The following ANO2 variants were observed in gnomAD, a reference collection of about 807,000 sequenced individuals.
ANO2 encodes the protein anoctamin 2, also known as anoctamin-2.
A neutral mutation model predicts 124.2 loss-of-function variants in ANO2; 101 were observed. That is an observed-to-expected ratio of 0.81 (90% confidence interval 0.69 to 0.96). The LOEUF is 0.96. Ranked by LOEUF, ANO2 falls within the 40% of genes least tolerant of loss-of-function variation. The pLI, the probability that ANO2 is intolerant of heterozygous loss-of-function variation, is 0.00. For synonymous variants in ANO2, 486 were observed against 482.5 expected, an observed-to-expected ratio of 1.01 and a Z score of -0.09; for missense variants, 1,293 against 1,274.5, an observed-to-expected ratio of 1.01 and a Z score of -0.22.
At chr12:5,920,405 C>A (rs1176261435) in intron 3 of ANO2, among the ~76,000 whole-genome samples, 2 of 152,082 alleles carry the variant, frequency 1.3e-5, no homozygotes, top group Non-Finnish European at 2.9e-5. Flanking sequence ...TAGATGTGGC[C>A]TGAGAATGTC....
At chr12:5,589,557 C>CTG (rs1943292778) in intron 20 of ANO2, among the ~76,000 whole-genome samples, 1 of 152,088 alleles carries the variant, frequency 6.6e-6, no homozygotes, top group African/African-American at 2.4e-5. Flanking sequence ...ACAGGCTTAC[C>CTG]CAATATGTTT....
intron 16 of ANO2, among the ~76,000 whole-genome samples, chr12:5,633,812 G>C (rs913687564): frequency 1.3e-5 from 2 of 152,106 alleles, no homozygotes; most frequent in African/African-American, 4.8e-5. Context: ...CCACTTTCCT[G>C]CATGCCTTTC....
chr12:5,630,866 T>C (rs1176607966), intron 16 of ANO2, among the ~76,000 whole-genome samples: 1 of 152,200 alleles, frequency 6.6e-6, no homozygotes. Context: ...TTTTCCAAGT[T>C]CTTCATAATT....
At chr12:5,653,213 A>G (rs1946993467) in intron 14 of ANO2, among the ~76,000 whole-genome samples, 1 of 152,204 alleles carries the variant, frequency 6.6e-6, no homozygotes, top group African/African-American at 2.4e-5. Flanking sequence ...AAACCTTGCC[A>G]TCGTCACTGG....
intron 4 of ANO2, among the ~76,000 whole-genome samples, chr12:5,839,796 G>A (rs1954454978): frequency 7.2e-5 from 11 of 152,172 alleles, no homozygotes; most frequent in Admixed American, 7.2e-4. Context: ...CTACCTTATA[G>A]ATGAGAACAC....
chr12:5,875,810 T>C (rs1009525777), intron 3 of ANO2, among the ~76,000 whole-genome samples: 1 of 151,564 alleles, frequency 6.6e-6, no homozygotes, highest in African/African-American at 2.4e-5. Flanking sequence ...TGATAAGTCC[T>C]AGGCTACATC....
At chr12:5,684,587 G>A (rs573625084) in intron 14 of ANO2, among the ~76,000 whole-genome samples, 2 of 152,188 alleles carry the variant, frequency 1.3e-5, no homozygotes, top group East Asian at 1.9e-4. Flanking sequence ...GTCTTTGAGC[G>A]AGCCTTCAAA....
In ANO2 at chr12:5,847,027, C is replaced by T. The variant is rs1954705656; in HGVS notation, c.633+7016G>A. ...CAACTTGACTGGACCATTGGGTGCC[C>T]AGATATTTGGTCAAACATTCTGGGT... On this transcript the variant is annotated intron_variant, in intron 4 of 24. Coordinates refer to ENST00000682330, the MANE Select transcript of ANO2 (RefSeq NM_001364791.2). Among the ~76,000 whole-genome samples, 4 of 152,132 alleles carry T rather than the reference C, an allele frequency of 2.6e-5. No homozygotes were observed. In the South Asian group the frequency reaches 8.3e-4, roughly 32 times the overall value.
chr12:5,663,210 A>G (rs2136975926), intron 14 of ANO2, among the ~76,000 whole-genome samples: 1 of 152,332 alleles, frequency 6.6e-6, no homozygotes. Context: ...ACAGAGTCAC[A>G]GCTCAGTGGC....
chr12:5,604,830 C>T (rs550293702), intron 19 of ANO2, among the ~76,000 whole-genome samples: 30 of 152,150 alleles, frequency 2.0e-4, no homozygotes, highest in South Asian at 1.5e-3. Flanking sequence ...CTTTTGGAAA[C>T]CTTCAGATTA....
intron 3 of ANO2, among the ~76,000 whole-genome samples, chr12:5,882,292 A>C (rs2137299030): frequency 6.6e-6 from 1 of 152,350 alleles, no homozygotes; most frequent in South Asian, 2.1e-4. Flanking sequence ...AGGTGGATAT[A>C]AAAAACACTG....
intron 14 of ANO2, among the ~76,000 whole-genome samples, chr12:5,705,956 G>A (rs1477569236): frequency 6.6e-6 from 1 of 152,184 alleles, no homozygotes; most frequent in African/African-American, 2.4e-5. Context: ...TTGGGAATGA[G>A]GAAGAGTCTT....
At chr12:5,768,977 G>A (rs1202159392) in intron 10 of ANO2, among the ~76,000 whole-genome samples, 6 of 152,198 alleles carry the variant, frequency 3.9e-5, no homozygotes, top group Admixed American at 2.6e-4. Context: ...AGTTCAGAAA[G>A]TACAGTAACA....
rs191455623 is a variant in ANO2 at position 5,753,863 on chromosome 12, T to A, written c.1056-2893A>T. ...GGCAATTTTACTTCTTCCTTTCCAA[T>A]TTGATAGCTTTTATTTCTTTTTCTT... On this transcript the variant is annotated intron_variant, in intron 10 of 24. Coordinates refer to ENST00000682330, the MANE Select transcript of ANO2 (RefSeq NM_001364791.2). Among the ~76,000 whole-genome samples, 1,428 of 152,322 alleles carry A rather than the reference T, an allele frequency of 9.4e-3. 76 individuals carry two copies. Among genetic ancestry groups the A allele is most frequent in the Admixed American group, 0.086 (1,310 of 15,290 alleles).
chr12:5,883,582 T>C (rs1007847139), intron 3 of ANO2, among the ~76,000 whole-genome samples: 1 of 151,494 alleles, frequency 6.6e-6, no homozygotes, highest in Non-Finnish European at 1.5e-5. Flanking sequence ...ACGTTCTGCA[T>C]GACTTTCTTC....
rs753543457 is a variant in ANO2 at position 5,835,069 on chromosome 12, TAA to T, written c.634-2468_634-2467del. ...ACAGGCATTTATCTCATTTTATATA[TAA>T]GTTTTATATCTTGTTTTGGTTCATA... On this transcript the variant is annotated intron_variant, in intron 4 of 24. Transcript: ENST00000682330. Among the ~76,000 whole-genome samples the T allele has an allele frequency of 1.5e-4, 23 of 152,342 alleles. No homozygotes were observed. In the East Asian group the frequency reaches 3.3e-3, roughly 22 times the overall value.
At chr12:5,588,076 G>A (rs560332237) in intron 20 of ANO2, among the ~76,000 whole-genome samples, 66 of 151,938 alleles carry the variant, frequency 4.3e-4, no homozygotes, top group Middle Eastern at 3.4e-3. Flanking sequence ...GAGCTGGGCC[G>A]GGGATCACCA....
At chr12:5,653,215 C>T (rs1384721416) in intron 14 of ANO2, among the ~76,000 whole-genome samples, 5 of 152,284 alleles carry the variant, frequency 3.3e-5, no homozygotes, top group African/African-American at 7.2e-5. Context: ...ACCTTGCCAT[C>T]GTCACTGGCC....
chr12:5,576,018 G>T lies in ANO2; in HGVS notation c.2440-3C>A. 6.2e-7 allele frequency: 1 copy of T among 1,600,708 alleles called. No individual in the cohort carries two copies. The highest frequency in any genetic ancestry group is 1.1e-5 in the South Asian group (1 of 88,774). On this transcript the variant is annotated splice_region_variant and splice_polypyrimidine_tract_variant and intron_variant, in intron 22 of 24. Transcript: ENST00000682330. ...GAGGTGATCGCAATGACAAAAGCCT[G>T]AGGGACAGAACCATAAGCACTGAGT...
Sources: gnomAD v4.1 joint callset for allele counts (sites outside exome capture counted in the v4.1 genomes callset) on GRCh38, gnomAD v4.1.1 for gene constraint, MANE v1.5 for transcripts, NCBI Gene and HGNC (gene_info 2026-07-23, HGNC 2026-07-21) for gene names.